ERC1: variants seen among roughly 807,000 people sequenced by gnomAD.
ERC1 encodes ELKS/RAB6-interacting/CAST family member 1, also known as RAB6 interacting protein 2.
Under a neutral mutation model 132.0 loss-of-function variants are expected in ERC1, and 56 were observed. The observed-to-expected ratio is 0.42, with a 90% CI of 0.34 to 0.53. ERC1 has a LOEUF of 0.53. Ranked by LOEUF, ERC1 falls within the 20% of genes least tolerant of loss-of-function variation. The pLI is 0.03. For missense variants in ERC1, 1,202 were observed against 1,349.9 expected (o/e 0.89, Z 1.72); for synonymous variants, 478 against 476.1 (o/e 1.00, Z -0.05).
chr12:1,112,423 A>G, intron 6 of ERC1, 125 bp downstream of exon 6: 2 of 638,222 alleles, frequency 3.1e-6, no homozygotes, highest in South Asian at 3.5e-5. Context: ...CATTACTAGC[A>G]CTAACCAGCC....
chr12:1,024,042 C>G (rs770382045), intron 1 of ERC1, among the ~76,000 whole-genome samples: 1 of 152,064 alleles, frequency 6.6e-6, no homozygotes, highest in Non-Finnish European at 1.5e-5. Context: ...TTGTTTCTCT[C>G]TTATGTAGGA....
At chr12:1,251,580 G>C (rs1009744398) in intron 13 of ERC1, among the ~76,000 whole-genome samples, 1 of 152,084 alleles carries the variant, frequency 6.6e-6, no homozygotes, top group Non-Finnish European at 1.5e-5. Flanking sequence ...TTTACTGCAG[G>C]TGAAGCACCT....
intron 8 of ERC1, among the ~76,000 whole-genome samples, chr12:1,143,878 GT>G (rs1040644567): frequency 4.0e-5 from 6 of 151,054 alleles, no homozygotes; most frequent in Admixed American, 2.6e-4. Context: ...CTAACTGCTT[GT>G]TTTTTTTGTG....
intron 8 of ERC1, among the ~76,000 whole-genome samples, chr12:1,146,324 TTTTTTTTTTG>T: frequency 6.9e-6 from 1 of 145,088 alleles, no homozygotes; most frequent in Non-Finnish European, 1.5e-5. Flanking sequence ...TTTTTTTTTT[TTTTTTTTTTG>T]CAGTTATTGT....
At chr12:1,091,437 A>C (rs1291218315) in intron 3 of ERC1, among the ~76,000 whole-genome samples, 1 of 152,160 alleles carries the variant, frequency 6.6e-6, no homozygotes, top group Non-Finnish European at 1.5e-5. Context: ...TAAAGACCTC[A>C]TAGGAAGGAG....
At chr12:1,013,969 G>C (rs1378680548) in intron 1 of ERC1, among the ~76,000 whole-genome samples, 1 of 151,758 alleles carries the variant, frequency 6.6e-6, no homozygotes, top group South Asian at 2.1e-4. Flanking sequence ...TGATCCTTTC[G>C]CCTTGGCTTC....
At chr12:1,001,518 A>G (rs2154131954) in intron 1 of ERC1, among the ~76,000 whole-genome samples, 1 of 152,260 alleles carries the variant, frequency 6.6e-6, no homozygotes, top group African/African-American at 2.4e-5. Context: ...CCCAATCACA[A>G]CCCAGTCCTT....
intron 15 of ERC1, among the ~76,000 whole-genome samples, chr12:1,369,258 G>A (rs775258355): frequency 4.7e-4 from 72 of 152,166 alleles, no homozygotes; most frequent in Non-Finnish European, 8.4e-4. Flanking sequence ...TACCCCAGAG[G>A]TGAACTGTAC....
At chr12:1,352,652 C>T (rs1415782086) in intron 15 of ERC1, among the ~76,000 whole-genome samples, 3 of 150,754 alleles carry the variant, frequency 2.0e-5, no homozygotes, top group Non-Finnish European at 2.9e-5. Context: ...CATTGACCTT[C>T]GGTCTGAGCT....
chr12:1,442,118 G>A (rs7975251), intron 17 of ERC1, among the ~76,000 whole-genome samples: 41,711 of 152,034 alleles, frequency 0.27, 10,476 homozygotes, highest in African/African-American at 0.67. Flanking sequence ...AGTAGAGACA[G>A]GGTTTCACCA....
intron 8 of ERC1, among the ~76,000 whole-genome samples, chr12:1,161,953 T>C (rs769713106): frequency 1.3e-5 from 2 of 152,206 alleles, no homozygotes; most frequent in African/African-American, 2.4e-5. Flanking sequence ...TTGGCATTTA[T>C]CTAGATATAC....
intron 15 of ERC1, among the ~76,000 whole-genome samples, chr12:1,320,368 TG>T (rs1331118179): frequency 6.6e-6 from 1 of 152,210 alleles, no homozygotes; most frequent in Non-Finnish European, 1.5e-5. Flanking sequence ...TTAGGTGTAG[TG>T]GATACTATCC....
intron 17 of ERC1, among the ~76,000 whole-genome samples, chr12:1,409,249 G>A (rs943740577): frequency 6.6e-6 from 1 of 152,176 alleles, no homozygotes; most frequent in Non-Finnish European, 1.5e-5. Flanking sequence ...ATTTAATGTG[G>A]GCAAAATGGA....
chr12:1,123,923 G>A (rs915647229), intron 7 of ERC1, among the ~76,000 whole-genome samples: 9 of 152,200 alleles, frequency 5.9e-5, no homozygotes, highest in African/African-American at 1.9e-4. Flanking sequence ...TTGAACCCAG[G>A]AGGTAGAGGT....
intron 13 of ERC1, among the ~76,000 whole-genome samples, chr12:1,246,580 T>C (rs992751124): frequency 3.3e-5 from 5 of 152,222 alleles, no homozygotes; most frequent in African/African-American, 1.2e-4. Flanking sequence ...AGTCTCAAAA[T>C]GTTTTCTCTA....
intron 1 of ERC1, among the ~76,000 whole-genome samples, chr12:1,007,481 TC>T (rs1963862207): frequency 6.6e-6 from 1 of 151,400 alleles, no homozygotes; most frequent in Admixed American, 6.6e-5. Context: ...TCTCTCTCTC[TC>T]TCTCTCTCTC....
chr12:1,349,385 C>T (rs80317175), intron 15 of ERC1, among the ~76,000 whole-genome samples: 4,418 of 152,168 alleles, frequency 0.029, 85 homozygotes, highest in South Asian at 0.086. Context: ...TCTTTTTGGC[C>T]GGGCACAGTG....
At chr12:1,068,933 A>G (rs1321502385) in intron 2 of ERC1, among the ~76,000 whole-genome samples, 3 of 152,180 alleles carry the variant, frequency 2.0e-5, no homozygotes, top group Non-Finnish European at 4.4e-5. Context: ...ACATTAAGAC[A>G]CAAAAGGTTA....
intron 12 of ERC1, among the ~76,000 whole-genome samples, chr12:1,208,245 C>T (rs961902842): frequency 6.6e-6 from 1 of 152,208 alleles, no homozygotes; most frequent in African/African-American, 2.4e-5. Flanking sequence ...CTGTATCAAG[C>T]TTGTCCAACC....
Sources: allele counts gnomAD v4.1 joint callset (sites outside exome capture counted in the v4.1 genomes callset), GRCh38; gene constraint gnomAD v4.1.1; transcripts MANE v1.5; gene names NCBI Gene and HGNC (gene_info 2026-07-23, HGNC 2026-07-21).